VPS41: variants seen among roughly 807,000 people sequenced by gnomAD.
The protein encoded by VPS41 is vacuolar protein sorting-associated protein 41 homolog.
A neutral mutation model predicts 130.9 loss-of-function variants in VPS41; 85 were observed. That is an observed-to-expected ratio of 0.65 (90% CI 0.55 to 0.78). VPS41 has a LOEUF of 0.78. Ranked by LOEUF, VPS41 falls within the 30% of genes least tolerant of loss-of-function variation. The pLI, the probability that VPS41 is intolerant of heterozygous loss-of-function variation, is 0.00. For synonymous variants in VPS41, 335 were observed against 332.9 expected (o/e 1.01, Z -0.07); for missense variants, 874 against 1,018.7 (o/e 0.86, Z 1.93).
chr7:38,900,357 T>G (rs184641273), intron 1 of VPS41, among the ~76,000 whole-genome samples: 246 of 152,248 alleles, frequency 1.6e-3, no homozygotes, highest in Middle Eastern at 6.8e-3. Context: ...CTAAATAATG[T>G]GTACACGTGG....
chr7:38,771,217 A>G lies in VPS41; in HGVS notation c.1166T>C (p.Ile389Thr), dbSNP rs1420600942. 6.2e-7 allele frequency: 1 copy of G among 1,602,252 alleles called. No individual in the cohort carries two copies. Among genetic ancestry groups the G allele is most frequent in the Admixed American group, 1.7e-5 (1 of 59,864 alleles). Reference sequence around the variant, plus strand: ...ACTTACCAGAATCTTATGTCTTTTAATATTTTTTTGGCTAATTTCAGCTGC... The same window carrying G: ...ACTTACCAGAATCTTATGTCTTTTAGTATTTTTTTGGCTAATTTCAGCTGC... ...LMAAEISQKN[I>T]KRHKILDIGL... Residue 389 changes from isoleucine (I) to threonine (T), a missense_variant, in exon 14 of 29, where the codon ATT becomes ACT. Coordinates refer to ENST00000310301, the MANE Select transcript of VPS41 (RefSeq NM_014396.4).
rs137935479 is a variant in VPS41 at position 38,857,235 on chromosome 7, T to C, written c.246+5310A>G. Among the ~76,000 whole-genome samples, 750 of 152,352 alleles carry C rather than the reference T, an allele frequency of 4.9e-3. 4 individuals carry two copies. Among genetic ancestry groups the C allele is most frequent in the Non-Finnish European group, 8.3e-3 (568 of 68,026 alleles). On this transcript the variant is annotated intron_variant, in intron 4 of 28. Transcript: ENST00000310301. ...CAAGAGTTTAATTTCAAAAATTTGA[T>C]ATTTATCTTAACACAAAATGGCCAC...
intron 4 of VPS41, among the ~76,000 whole-genome samples, chr7:38,849,495 G>A (rs377521632): frequency 6.6e-6 from 1 of 152,176 alleles, no homozygotes; most frequent in Admixed American, 6.5e-5. Flanking sequence ...CTCAGCAGAT[G>A]GGGGAGCCCG....
chr7:38,908,924 C>G (rs1562633224), intron 1 of VPS41, among the ~76,000 whole-genome samples: 2 of 152,240 alleles, frequency 1.3e-5, no homozygotes, highest in Non-Finnish European at 2.9e-5. Context: ...CGAGGAAAGG[C>G]AGCCCGAACG....
At chr7:38,891,256 TA>T (rs562958871) in intron 2 of VPS41, among the ~76,000 whole-genome samples, 2 of 151,914 alleles carry the variant, frequency 1.3e-5, no homozygotes, top group Admixed American at 6.6e-5. Context: ...TATGTTTTGC[TA>T]AAAAAAAGTT....
intron 2 of VPS41, among the ~76,000 whole-genome samples, chr7:38,889,051 C>A (rs10251632): frequency 0.26 from 38,908 of 151,126 alleles, 6,387 homozygotes; most frequent in Non-Finnish European, 0.38. Flanking sequence ...CACTTGTATA[C>A]CTATGTAACA....
In VPS41 at chr7:38,724,485, T is replaced by C. The variant is rs1039225458; in HGVS notation, c.*1761A>G. 6 of 152,192 alleles carry C rather than the reference T, an allele frequency of 3.9e-5. No individual in the cohort carries two copies. The highest frequency in any genetic ancestry group is 1.9e-4 in the East Asian group (1 of 5,204). The allele number at this position is 152,192 out of a possible 1,614,324, so 9.4% of individuals were successfully genotyped here. ...CAAAGAGCCTTCCAGTTCTAAGTAT[T>C]TGTGACTAACAACAACAAAAAAATC... On this transcript the variant is annotated 3_prime_UTR_variant, in exon 29 of 29. Transcript: ENST00000310301.
At chr7:38,732,702 T>C (rs1444827789) in intron 25 of VPS41, among the ~76,000 whole-genome samples, 1 of 152,240 alleles carries the variant, frequency 6.6e-6, no homozygotes, top group Non-Finnish European at 1.5e-5. Flanking sequence ...AATTTTCTCA[T>C]ACTGCCCTCA....
At chr7:38,783,127 C>CA (rs113105833) in intron 10 of VPS41, among the ~76,000 whole-genome samples, 95 of 146,932 alleles carry the variant, frequency 6.5e-4, no homozygotes, top group African/African-American at 1.6e-3. Flanking sequence ...GACTCTGCCT[C>CA]AAAAAAAAAG....
intron 2 of VPS41, among the ~76,000 whole-genome samples, chr7:38,870,046 T>C (rs1786317010): frequency 6.6e-6 from 1 of 152,186 alleles, no homozygotes; most frequent in South Asian, 2.1e-4. Context: ...ACTTTCTTCC[T>C]GGAGGCATTT....
intron 1 of VPS41, among the ~76,000 whole-genome samples, chr7:38,899,754 T>C (rs1043777526): frequency 2.6e-5 from 4 of 152,210 alleles, no homozygotes; most frequent in African/African-American, 7.2e-5. Context: ...GCATCAGCAA[T>C]ACAAGGCTTT....
chr7:38,782,872 T>C (rs1170913465), intron 10 of VPS41, among the ~76,000 whole-genome samples: 2 of 152,098 alleles, frequency 1.3e-5, no homozygotes, highest in Non-Finnish European at 2.9e-5. Flanking sequence ...ATCACAGCAA[T>C]TTGGGAGGCC....
chr7:38,816,673 ATTCT>A lies in VPS41; in HGVS notation c.450+1140_450+1143del, dbSNP rs1176587554. Among the ~76,000 whole-genome samples, 3 of 152,346 alleles carry A rather than the reference ATTCT, an allele frequency of 2.0e-5. 1 individual carries two copies. The highest frequency in any genetic ancestry group is 1.3e-4 in the Admixed American group (2 of 15,298). ...TTTGACTTATTCTATAAGCAGACAG[ATTCT>A]TTAATTTGAGAATTTACTACATCTA... On this transcript the variant is annotated intron_variant, in intron 7 of 28. Transcript: ENST00000310301.
intron 9 of VPS41, among the ~76,000 whole-genome samples, chr7:38,792,648 C>G (rs962277439): frequency 6.6e-6 from 1 of 152,124 alleles, no homozygotes; most frequent in African/African-American, 2.4e-5. Flanking sequence ...GCCCCTTTGC[C>G]GTTTAGCTCC....
intron 4 of VPS41, among the ~76,000 whole-genome samples, chr7:38,845,992 C>T (rs1051886412): frequency 6.6e-6 from 1 of 152,202 alleles, no homozygotes; most frequent in East Asian, 1.9e-4. Flanking sequence ...ATATATCCAA[C>T]AAAGATACAA....
intron 17 of VPS41, among the ~76,000 whole-genome samples, chr7:38,763,013 A>G (rs1783953953): frequency 2.6e-5 from 4 of 152,306 alleles, no homozygotes; most frequent in Middle Eastern, 3.4e-3. Flanking sequence ...CATAAAAACA[A>G]TAAATTTTTT....
In VPS41 at chr7:38,839,492, G is replaced by A. The variant is rs529804418; in HGVS notation, c.247-9164C>T. On this transcript the variant is annotated intron_variant, in intron 4 of 28. Transcript: ENST00000310301. ...GGCTGGAGTGCAGTGGTGTGATCTC[G>A]GCTCACTGCAACCTCTGCCTGCTAA... Among the ~76,000 whole-genome samples, 159 of 151,364 alleles carry A rather than the reference G, an allele frequency of 1.1e-3. 1 individual carries two copies. The highest frequency in any genetic ancestry group is 3.7e-3 in the African/African-American group (154 of 41,230).
At chr7:38,821,718 AAAAG>A (rs1233701734) in intron 5 of VPS41, among the ~76,000 whole-genome samples, 32 of 133,834 alleles carry the variant, frequency 2.4e-4, no homozygotes, top group East Asian at 7.4e-4. Context: ...AAAAAAAAAA[AAAAG>A]AAAAAGAAAA....
chr7:38,906,848 G>C (rs1028485713), intron 1 of VPS41, among the ~76,000 whole-genome samples: 1 of 152,174 alleles, frequency 6.6e-6, no homozygotes, highest in Non-Finnish European at 1.5e-5. Context: ...CTAGTGAAAA[G>C]TCATGAGCTA....
Sources: gnomAD v4.1 joint callset for allele counts (sites outside exome capture counted in the v4.1 genomes callset) on GRCh38, gnomAD v4.1.1 for gene constraint, MANE v1.5 for transcripts, NCBI Gene and HGNC (gene_info 2026-07-23, HGNC 2026-07-21) for gene names.